Variants in REPS2 observed in about 807,000 individuals in gnomAD.
The protein encoded by REPS2 is ralBP1-associated Eps domain-containing protein 2.
REPS2 carries 23 observed loss-of-function variants against 53.6 expected under a neutral mutation model. That is an observed-to-expected ratio of 0.43 (90% confidence interval 0.31 to 0.61). The LOEUF (loss-of-function observed/expected upper bound fraction) is 0.61. Ranked by LOEUF, REPS2 falls within the 20% of genes least tolerant of loss-of-function variation. The probability of loss-of-function intolerance (pLI) is 0.11; values close to 1 mark genes in which losing one functional copy is unlikely to be tolerated. For synonymous variants in REPS2, 238 were observed against 218.6 expected (o/e 1.09, Z -0.78); for missense variants, 446 against 534.9 (o/e 0.83, Z 1.64).
At chrX:17,144,849 A>T (rs2063492994) in intron 17 of REPS2, among the ~76,000 whole-genome samples, 1 of 111,819 alleles carries the variant, frequency 8.9e-6, no homozygotes, top group Non-Finnish European at 1.9e-5. Context: ...CTCTGAACTC[A>T]CACTAATTCC....
At chrX:16,957,391 C>T (rs2060610156) in intron 1 of REPS2, among the ~76,000 whole-genome samples, 1 of 101,626 alleles carries the variant, frequency 9.8e-6, no homozygotes, top group African/African-American at 3.5e-5. Flanking sequence ...GCCTAGGCGA[C>T]AGAGGCGAGA....
At chrX:17,107,684 T>C (rs2062893119) in intron 14 of REPS2, among the ~76,000 whole-genome samples, 1 of 111,631 alleles carries the variant, frequency 9.0e-6, no homozygotes, top group Admixed American at 9.5e-5. Flanking sequence ...AAAAGAAACA[T>C]CTTTTTATTT....
chrX:17,035,124 C>T (rs1273409819), intron 5 of REPS2, among the ~76,000 whole-genome samples: 1 of 109,663 alleles, frequency 9.1e-6, no homozygotes, highest in Non-Finnish European at 1.9e-5. Flanking sequence ...AATGAATATT[C>T]CTGAGGCTCT....
intron 14 of REPS2, among the ~76,000 whole-genome samples, chrX:17,131,693 A>G (rs1316280072): frequency 2.7e-5 from 3 of 111,517 alleles, no homozygotes; most frequent in Non-Finnish European, 5.7e-5. Context: ...AATGGGGGAC[A>G]TAGAGAGCTG....
chrX:17,076,588 T>G (rs745934047), intron 12 of REPS2, among the ~76,000 whole-genome samples: 1 of 112,469 alleles, frequency 8.9e-6, no homozygotes, highest in East Asian at 2.8e-4. Flanking sequence ...TGTGTAACTT[T>G]CTATCTGACC....
intron 1 of REPS2, among the ~76,000 whole-genome samples, chrX:16,977,055 C>T (rs1569103185): frequency 8.9e-6 from 1 of 111,808 alleles, no homozygotes; most frequent in Non-Finnish European, 1.9e-5. Context: ...ATCTGCCAAA[C>T]CATTTGCAGC....
intron 6 of REPS2, among the ~76,000 whole-genome samples, chrX:17,048,310 G>A (rs1162078616): frequency 4.5e-5 from 5 of 111,955 alleles, no homozygotes; most frequent in Non-Finnish European, 9.4e-5. Flanking sequence ...TGGTGGTAAT[G>A]GCTTTATTGA....
chrX:16,957,028 A>C (rs1257780284), intron 1 of REPS2, among the ~76,000 whole-genome samples: 2 of 112,563 alleles, frequency 1.8e-5, no homozygotes, highest in African/African-American at 6.5e-5. Context: ...ACTTTGGTTC[A>C]GTCTCCTGGA....
At chrX:16,948,120 G>A (rs2060464047) in intron 1 of REPS2, among the ~76,000 whole-genome samples, 1 of 112,110 alleles carries the variant, frequency 8.9e-6, no homozygotes, top group African/African-American at 3.2e-5. Context: ...ATTTAGAGTG[G>A]CGAGTGGTAT....
intron 1 of REPS2, among the ~76,000 whole-genome samples, chrX:16,993,926 C>T (rs750387187): frequency 8.9e-6 from 1 of 112,880 alleles, no homozygotes; most frequent in South Asian, 3.6e-4. Flanking sequence ...TGTGTAGCTA[C>T]ATCTTTCTTT....
At chrX:16,988,464 G>A (rs1321338722) in intron 1 of REPS2, among the ~76,000 whole-genome samples, 2 of 111,645 alleles carry the variant, frequency 1.8e-5, no homozygotes, top group African/African-American at 6.5e-5. Context: ...ATAAACAAAT[G>A]GACACTGAAA....
chrX:17,027,683 G>A (rs1005896478), intron 4 of REPS2, among the ~76,000 whole-genome samples: 1 of 10,969 alleles, frequency 9.1e-5, no homozygotes, highest in Non-Finnish European at 1.8e-4. Flanking sequence ...TTTTTTTTTT[G>A]TACACCTCCC....
intron 1 of REPS2, among the ~76,000 whole-genome samples, chrX:16,970,514 A>G (rs891300895): frequency 8.9e-6 from 1 of 112,425 alleles, no homozygotes; most frequent in Non-Finnish European, 1.9e-5. Context: ...CCCACTTTTT[A>G]AAGTAACAGC....
intron 17 of REPS2, among the ~76,000 whole-genome samples, chrX:17,140,556 T>G (rs2148161465): frequency 9.0e-6 from 1 of 110,792 alleles, no homozygotes; most frequent in African/African-American, 3.3e-5. Context: ...TAATCACATA[T>G]CTACCCATTT....
At chrX:17,063,352 T>C (rs2062182175) in intron 9 of REPS2, among the ~76,000 whole-genome samples, 2 of 111,767 alleles carry the variant, frequency 1.8e-5, no homozygotes, top group Non-Finnish European at 3.8e-5. Context: ...ATGATAGAAG[T>C]CAAAGTCAGG....
chrX:16,972,562 T>C (rs190748621), intron 1 of REPS2, among the ~76,000 whole-genome samples: 3 of 111,713 alleles, frequency 2.7e-5, no homozygotes, highest in African/African-American at 9.7e-5. Context: ...AGGAGCTGGG[T>C]CCTTTCCCAG....
At chrX:17,159,705 A>G in the REPS2 span, among the ~76,000 whole-genome samples, 1 of 111,413 alleles carries the variant, frequency 9.0e-6, no homozygotes, top group Non-Finnish European at 1.9e-5. Context: ...GTGTTTGTTA[A>G]ATTAAAAATT....
intron 1 of REPS2, 30 bp downstream of exon 1, chrX:16,947,164 G>T (rs1011708477): frequency 2.9e-6 from 3 of 1,020,531 alleles, no homozygotes; most frequent in African/African-American, 4.0e-5. Flanking sequence ...GTCCCTGCGG[G>T]TCTGTGGGGC....
rs146169875 is a variant in REPS2, at chrX:17,123,453, A to T, written c.1579-10371A>T. 7.9e-3 allele frequency among the ~76,000 whole-genome samples: 888 copies of T among 112,780 alleles called. 11 individuals carry two copies. Among genetic ancestry groups the T allele is most frequent in the African/African-American group, 0.028 (860 of 31,090 alleles). On this transcript the variant is annotated intron_variant, in intron 14 of 17. Coordinates refer to ENST00000357277, the MANE Select transcript of REPS2 (RefSeq NM_004726.3). ...TTGTAACAGTAAGTCTGTCTCATGG[A>T]TGTTGTCCATAATCTAATGGGTTCC...
Sources: gnomAD v4.1 joint callset for allele counts (sites outside exome capture counted in the v4.1 genomes callset) on GRCh38, gnomAD v4.1.1 for gene constraint, MANE v1.5 for transcripts, NCBI Gene and HGNC (gene_info 2026-07-23, HGNC 2026-07-21) for gene names.